The following COL21A1 variants were observed in gnomAD, a reference collection of about 807,000 sequenced individuals.
COL21A1 encodes the protein collagen alpha-1(XXI) chain.
Under a neutral mutation model 137.9 loss-of-function variants are expected in COL21A1, and 149 were observed. That is an observed-to-expected ratio of 1.08 (90% CI 0.95 to 1.24). The LOEUF (loss-of-function observed/expected upper bound fraction) is 1.24. Among genes scored for constraint, COL21A1 ranks in the 50% most tolerant of loss-of-function variants. The pLI, the probability that COL21A1 is intolerant of heterozygous loss-of-function variation, is 0.00. For synonymous variants in COL21A1, 456 were observed against 391.5 expected (o/e 1.16, Z -1.95); for missense variants, 1,167 against 1,158.4 (o/e 1.01, Z -0.11).
chr6:56,320,329 G>C (rs899240552), intron 1 of COL21A1, among the ~76,000 whole-genome samples: 32 of 151,940 alleles, frequency 2.1e-4, no homozygotes, highest in African/African-American at 7.7e-4. Context: ...TCTTACATCA[G>C]TGTGAAGCCT....
intron 1 of COL21A1, among the ~76,000 whole-genome samples, chr6:56,270,405 C>A (rs1236262877): frequency 6.6e-6 from 1 of 152,168 alleles, no homozygotes; most frequent in Non-Finnish European, 1.5e-5. Context: ...TCGGAGCACC[C>A]AGATTCACAA....
intron 2 of COL21A1, 34 bp from the exon 3 acceptor site, chr6:56,180,163 T>A (rs748901447): frequency 2.6e-6 from 4 of 1,528,206 alleles, no homozygotes; most frequent in Admixed American, 2.2e-5. Flanking sequence ...TAGCACATCT[T>A]TTATATAAAA....
At chr6:56,212,942 A>G (rs1432607136) in intron 1 of COL21A1, among the ~76,000 whole-genome samples, 2 of 152,120 alleles carry the variant, frequency 1.3e-5, no homozygotes, top group African/African-American at 2.4e-5. Context: ...CTTAAAGAAT[A>G]TTAGACTGGA....
intron 22 of COL21A1, among the ~76,000 whole-genome samples, chr6:56,068,517 G>T (rs1337619219): frequency 1.3e-5 from 2 of 151,498 alleles, no homozygotes; most frequent in African/African-American, 4.8e-5. Flanking sequence ...GTCTTTCCTT[G>T]CCAAAATATT....
intron 1 of COL21A1, among the ~76,000 whole-genome samples, chr6:56,258,319 T>C (rs924452662): frequency 2.6e-5 from 4 of 152,152 alleles, no homozygotes; most frequent in Admixed American, 6.5e-5. Context: ...TGCCCTGTGC[T>C]CTTTTTTTAG....
intron 1 of COL21A1, among the ~76,000 whole-genome samples, chr6:56,326,253 T>G (rs1029923965): frequency 6.6e-6 from 1 of 151,086 alleles, no homozygotes; most frequent in East Asian, 1.9e-4. Context: ...AAAAACCTTT[T>G]GAACATACTG....
intron 1 of COL21A1, among the ~76,000 whole-genome samples, chr6:56,306,355 C>T (rs1435326769): frequency 6.6e-6 from 1 of 151,744 alleles, no homozygotes; most frequent in South Asian, 2.1e-4. Flanking sequence ...CTCCCCGTCA[C>T]TTTCAGGTAC....
intron 17 of COL21A1, among the ~76,000 whole-genome samples, chr6:56,091,329 G>A (rs1768796112): frequency 6.6e-6 from 1 of 152,150 alleles, no homozygotes; most frequent in South Asian, 2.1e-4. Context: ...ATGTGGTTAA[G>A]CAAGAATTTG....
intron 1 of COL21A1, among the ~76,000 whole-genome samples, chr6:56,363,288 G>A (rs9475682): frequency 0.26 from 39,183 of 152,154 alleles, 5,727 homozygotes; most frequent in African/African-American, 0.38. Flanking sequence ...TAAGTATCAT[G>A]TGTATGGAGC....
intron 17 of COL21A1, among the ~76,000 whole-genome samples, chr6:56,093,139 CT>C (rs1562180972): frequency 6.6e-6 from 1 of 151,908 alleles, no homozygotes; most frequent in South Asian, 2.1e-4. Flanking sequence ...TACAAAAGAC[CT>C]TTTTTTCAAA....
intron 1 of COL21A1, among the ~76,000 whole-genome samples, chr6:56,218,953 A>G (rs1291939554): frequency 2.0e-5 from 3 of 152,102 alleles, no homozygotes; most frequent in African/African-American, 7.2e-5. Context: ...AGTGTCAACC[A>G]TTCTATGGTC....
chr6:56,246,055 C>T (rs897137714), intron 1 of COL21A1, among the ~76,000 whole-genome samples: 7 of 151,824 alleles, frequency 4.6e-5, no homozygotes, highest in Admixed American at 4.6e-4. Context: ...GGCTTAGAAA[C>T]AGCTGGAACT....
intron 17 of COL21A1, among the ~76,000 whole-genome samples, chr6:56,097,902 A>AATATATGAAT (rs1769591236): frequency 2.5e-5 from 2 of 80,036 alleles, no homozygotes; most frequent in African/African-American, 5.2e-5. Flanking sequence ...TAAATATATA[A>AATATATGAAT]ATATATAAAT....
At position 56,098,376 on chromosome 6, in the gene COL21A1, TATATATAA is replaced by T. The variant is rs1311128891; in HGVS notation, c.1812+3088_1812+3095del. Among the ~76,000 whole-genome samples the T allele has an allele frequency of 1.1e-3, 51 of 45,512 alleles. 6 individuals carry two copies. The highest frequency in any genetic ancestry group is 5.7e-3 in the African/African-American group (45 of 7,838). The allele number at this position is 45,512 out of a possible 152,430, so 29.9% of individuals were successfully genotyped here. A position where few individuals can be genotyped will look rare whatever the true frequency, so the allele number is the denominator to read the frequency against. On this transcript the variant is annotated intron_variant, in intron 17 of 29. Transcript: ENST00000244728. Reference sequence around the variant, plus strand: ...AAATATATATATGAATATATATAAATATATATAAATATATAAATATATATATAAATATA... The same window carrying T: ...AAATATATATATGAATATATATAAATATATATAAATATATATATAAATATA...
intron 12 of COL21A1, among the ~76,000 whole-genome samples, 182 bp downstream of exon 12, chr6:56,141,603 C>T (rs1295182465): frequency 1.3e-5 from 2 of 152,196 alleles, no homozygotes; most frequent in African/African-American, 4.8e-5. Context: ...TCAATGATAA[C>T]TTCTTTTATG....
intron 12 of COL21A1, among the ~76,000 whole-genome samples, chr6:56,133,054 G>A (rs764235734): frequency 4.0e-4 from 61 of 152,206 alleles, no homozygotes; most frequent in Non-Finnish European, 7.8e-4. Context: ...AGAGTAGGGT[G>A]CTGCTGAAAA....
intron 12 of COL21A1, 122 bp downstream of exon 12, chr6:56,141,663 T>A: frequency 9.6e-7 from 1 of 1,046,460 alleles, no homozygotes; most frequent in Non-Finnish European, 1.5e-6. Flanking sequence ...CACTGACAAA[T>A]TTCTGAGCCC....
intron 1 of COL21A1, among the ~76,000 whole-genome samples, chr6:56,255,305 CCTT>C (rs976708714): frequency 1.3e-5 from 2 of 149,820 alleles, no homozygotes; most frequent in Admixed American, 6.7e-5. Flanking sequence ...TTTTTCCTAA[CCTT>C]CTAGAGTGAT....
chr6:56,283,693 A>C (rs894429914), intron 1 of COL21A1, among the ~76,000 whole-genome samples: 1 of 152,124 alleles, frequency 6.6e-6, no homozygotes, highest in African/African-American at 2.4e-5. Flanking sequence ...GAATGAAAGA[A>C]AACCGTGTGC....
Sources: gnomAD v4.1 joint callset for allele counts (sites outside exome capture counted in the v4.1 genomes callset) on GRCh38, gnomAD v4.1.1 for gene constraint, MANE v1.5 for transcripts, NCBI Gene and HGNC (gene_info 2026-07-23, HGNC 2026-07-21) for gene names.